OR2L13: variants seen among roughly 807,000 people sequenced by gnomAD.
OR2L13 encodes olfactory receptor 2L13.
In OR2L13, 14 loss-of-function variants were observed where a neutral mutation model predicts 15.3. That is an observed-to-expected ratio of 0.91 (90% CI 0.60 to 1.43). OR2L13 has a LOEUF of 1.43. OR2L13 is among the 40% of genes most tolerant of loss of function. The pLI is 0.00. For synonymous variants in OR2L13, 152 were observed against 142.9 expected (o/e 1.06, Z -0.45); for missense variants, 367 against 387.9 (o/e 0.95, Z 0.45).
the OR2L13 span, among the ~76,000 whole-genome samples, chr1:247,998,121 C>G: frequency 6.6e-6 from 1 of 151,642 alleles, no homozygotes; most frequent in Non-Finnish European, 1.5e-5. Context: ...TTTATTGATC[C>G]CAGGGAAGAA....
upstream of OR2L13, among the ~76,000 whole-genome samples, chr1:248,091,356 C>A (rs1664592803): frequency 6.6e-6 from 1 of 152,014 alleles, no homozygotes; most frequent in Non-Finnish European, 1.5e-5. Context: ...AAAATCTTTG[C>A]CAGGTCCTAT....
chr1:248,098,614 G>A (rs2103201093), intron 1 of OR2L13, 37 bp from the exon 2 acceptor site: 1 of 152,246 alleles, frequency 6.6e-6, no homozygotes. Flanking sequence ...TCCTAAATGT[G>A]AATAATTGCA....
chr1:247,958,323 C>T, the OR2L13 span, among the ~76,000 whole-genome samples: 2 of 152,112 alleles, frequency 1.3e-5, no homozygotes, highest in Admixed American at 1.3e-4. Context: ...GTTATAATTT[C>T]TGTTCTTTTA....
At chr1:247,981,491 T>G in the OR2L13 span, among the ~76,000 whole-genome samples, 1 of 152,226 alleles carries the variant, frequency 6.6e-6, no homozygotes, top group Non-Finnish European at 1.5e-5. Flanking sequence ...AAAATTATAG[T>G]GCTTTGTGCT....
At chr1:248,083,013 A>T in the OR2L13 span, among the ~76,000 whole-genome samples, 1 of 152,248 alleles carries the variant, frequency 6.6e-6, no homozygotes, top group East Asian at 1.9e-4. Flanking sequence ...ATGAAAAATT[A>T]CATAAATTTA....
At chr1:248,007,519 A>G in the OR2L13 span, among the ~76,000 whole-genome samples, 40 of 152,328 alleles carry the variant, frequency 2.6e-4, no homozygotes, top group African/African-American at 9.4e-4. Flanking sequence ...CATTTGCTAC[A>G]TTGTTTATGA....
the OR2L13 span, among the ~76,000 whole-genome samples, chr1:248,082,506 A>G: frequency 6.6e-6 from 1 of 152,150 alleles, no homozygotes; most frequent in Non-Finnish European, 1.5e-5. Context: ...AATAAAAAAA[A>G]AGAAAAAAAC....
chr1:247,969,196 G>A, the OR2L13 span, among the ~76,000 whole-genome samples: 14 of 151,902 alleles, frequency 9.2e-5, no homozygotes, highest in African/African-American at 3.4e-4. Context: ...GGGGTTGTTT[G>A]TTTTTTTCTT....
chr1:248,026,402 A>C, the OR2L13 span, among the ~76,000 whole-genome samples: 1 of 152,214 alleles, frequency 6.6e-6, no homozygotes, highest in Non-Finnish European at 1.5e-5. Flanking sequence ...TTTACATGGA[A>C]CTTTCCTGGA....
chr1:248,023,800 C>T, the OR2L13 span: 1 of 152,098 alleles, frequency 6.6e-6, no homozygotes, highest in South Asian at 2.1e-4. Flanking sequence ...ACGCTTTAGT[C>T]TCTGAGGAGA....
chr1:248,062,639 A>C, the OR2L13 span: 1 of 152,232 alleles, frequency 6.6e-6, no homozygotes, highest in Non-Finnish European at 1.5e-5. Flanking sequence ...GATAGAATGA[A>C]TAAGAGTATT....
At chr1:248,086,898 C>A in the OR2L13 span, among the ~76,000 whole-genome samples, 1 of 151,008 alleles carries the variant, frequency 6.6e-6, no homozygotes, top group African/African-American at 2.4e-5. Context: ...ATATTTATTT[C>A]TATTTGTCTT....
At chr1:248,015,166 A>C in the OR2L13 span, among the ~76,000 whole-genome samples, 2 of 152,196 alleles carry the variant, frequency 1.3e-5, no homozygotes, top group African/African-American at 2.4e-5. Flanking sequence ...GGTTCTCCAA[A>C]TTCATACCCT....
chr1:247,957,732 A>G, the OR2L13 span, among the ~76,000 whole-genome samples: 3 of 152,094 alleles, frequency 2.0e-5, no homozygotes, highest in Non-Finnish European at 4.4e-5. Context: ...ATTTGCGTAG[A>G]GGTGTTTGTA....
At chr1:248,025,281 G>A in the OR2L13 span, among the ~76,000 whole-genome samples, 1 of 147,524 alleles carries the variant, frequency 6.8e-6, no homozygotes, top group South Asian at 2.2e-4. Context: ...ATCAAAAAGT[G>A]GGTGAAGGAC....
At chr1:247,994,223 C>T in the OR2L13 span, among the ~76,000 whole-genome samples, 609 of 152,212 alleles carry the variant, frequency 4.0e-3, 3 homozygotes, top group African/African-American at 0.014. Context: ...GGTGAAAACC[C>T]CGTCTCTACT....
the OR2L13 span, among the ~76,000 whole-genome samples, chr1:248,006,014 G>A: frequency 3.5e-4 from 54 of 152,162 alleles, no homozygotes; most frequent in South Asian, 9.6e-3. Context: ...AGTCAGATAC[G>A]TCATATTCCA....
chr1:248,072,725 A>T, the OR2L13 span, among the ~76,000 whole-genome samples: 10 of 152,012 alleles, frequency 6.6e-5, no homozygotes, highest in Admixed American at 2.0e-4. Context: ...TGCAACCTAC[A>T]CATCTGACAA....
the OR2L13 span, among the ~76,000 whole-genome samples, chr1:248,017,059 T>C: frequency 2.6e-5 from 4 of 152,322 alleles, no homozygotes; most frequent in East Asian, 7.7e-4. Flanking sequence ...GTTTTGCTTT[T>C]CCTAATCGCT....
Sources: allele counts gnomAD v4.1 joint callset (sites outside exome capture counted in the v4.1 genomes callset), GRCh38; gene constraint gnomAD v4.1.1; transcripts MANE v1.5; gene names NCBI Gene and HGNC (gene_info 2026-07-23, HGNC 2026-07-21).